GABRA4: variants seen among roughly 807,000 people sequenced by gnomAD.
The protein encoded by GABRA4 is gamma-aminobutyric acid receptor subunit alpha-4.
GABRA4 carries 12 observed loss-of-function variants against 49.7 expected under a neutral mutation model. The ratio of observed to expected loss-of-function variants is 0.24; its 90% confidence interval spans 0.15 to 0.39. The LOEUF (loss-of-function observed/expected upper bound fraction) is 0.39, where lower values mean the gene tolerates loss of function less well. Ranked by LOEUF, GABRA4 falls within the 10% of genes least tolerant of loss-of-function variation. The pLI is 1.00. For synonymous variants in GABRA4, 288 were observed against 240.2 expected (o/e 1.20, Z -1.84); for missense variants, 506 against 686.0 (o/e 0.74, Z 2.93).
chr4:46,989,869 C>T (rs745509177), intron 2 of GABRA4, among the ~76,000 whole-genome samples: 3 of 152,174 alleles, frequency 2.0e-5, no homozygotes, highest in Non-Finnish European at 4.4e-5. Flanking sequence ...AAATACCAAA[C>T]TTTCCACAGA....
At chr4:46,975,664 T>C (rs1341699043) in intron 5 of GABRA4, among the ~76,000 whole-genome samples, 1 of 151,974 alleles carries the variant, frequency 6.6e-6, no homozygotes, top group Admixed American at 6.6e-5. Flanking sequence ...CAAACCCTGA[T>C]TGAACACGAA....
At chr4:46,936,893 GGGGC>G (rs1721620512) in intron 8 of GABRA4, among the ~76,000 whole-genome samples, 1 of 152,178 alleles carries the variant, frequency 6.6e-6, no homozygotes, top group Admixed American at 6.6e-5. Context: ...AGTGGGAAAT[GGGGC>G]AGTGTAGCCC....
intron 8 of GABRA4, among the ~76,000 whole-genome samples, chr4:46,959,839 T>TGC (rs1722508768): frequency 7.0e-6 from 1 of 143,622 alleles, no homozygotes; most frequent in Non-Finnish European, 1.5e-5. Flanking sequence ...TATATATGTG[T>TGC]GTGTGTGTGT....
Position 46,964,963 on chromosome 4 carries a change from C to T in GABRA4, c.1134+7G>A. ...ATCTTAAACTGAAGGTGGATTAAGT[C>T]AAATACCTGCAGAGGGGCTTCAGGA... On this transcript the variant is annotated splice_region_variant and intron_variant, in intron 8 of 8. Transcript: ENST00000264318. 1 of 1,577,730 alleles carries T rather than the reference C, an allele frequency of 6.3e-7. No individual in the cohort carries two copies. Among genetic ancestry groups the T allele is most frequent in the Non-Finnish European group, 8.6e-7 (1 of 1,161,370 alleles).
intron 7 of GABRA4, among the ~76,000 whole-genome samples, chr4:46,966,939 G>T (rs112205235): frequency 2.9e-4 from 44 of 151,550 alleles, no homozygotes; most frequent in African/African-American, 9.7e-4. Flanking sequence ...GAATTTATTG[G>T]GTTTTATTTC....
At chr4:46,991,351 A>T (rs1474792038) in intron 2 of GABRA4, among the ~76,000 whole-genome samples, 1 of 152,080 alleles carries the variant, frequency 6.6e-6, no homozygotes, top group Non-Finnish European at 1.5e-5. Flanking sequence ...CCCTTTCTAA[A>T]CCTCAGTGTC....
At position 46,928,403 on chromosome 4, in the gene GABRA4, G is replaced by A. The variant is rs1157135957; in HGVS notation, c.1487C>T (p.Thr496Ile). ...IKTTVNTIGATGKLSATPPPS... is the reference protein window; with the variant it reads ...IKTTVNTIGAIGKLSATPPPS... ...AGGAGGAGTAGCTGACAACTTCCCA[G>A]TAGCCCCTATGGTATTAACTGTGGT... The change falls in exon 9 of 9, where the codon ACT becomes ATT. Residue 496 changes from threonine (T) to isoleucine (I), a missense_variant. Physicochemically the swap from Thr to Ile is moderately conservative, Grantham distance 89. Coordinates refer to ENST00000264318, the MANE Select transcript of GABRA4 (RefSeq NM_000809.4). The A allele has an allele frequency of 1.2e-6, 2 of 1,613,690 alleles. No homozygotes were observed. The highest frequency in any genetic ancestry group is 1.7e-6 in the Non-Finnish European group (2 of 1,179,692).
At position 46,974,238 on chromosome 4, in the gene GABRA4, T is replaced by C. The variant is rs1293885052; in HGVS notation, c.715A>G (p.Ile239Val). 5 of 1,610,448 alleles carry C rather than the reference T, an allele frequency of 3.1e-6. No individual in the cohort carries two copies. Among genetic ancestry groups the C allele is most frequent in the Non-Finnish European group, 3.4e-6 (4 of 1,177,924 alleles). ...QTVSSETIKSITGEYIVMTVY... is the reference protein window; with the variant it reads ...QTVSSETIKSVTGEYIVMTVY... ...TAATCATTACACATCTCACCCGTAA[T>C]TGATTTGATGGTTTCACTTGATACG... The change falls in exon 6 of 9, where the codon ATT becomes GTT. Residue 239 changes from isoleucine to valine, a missense_variant. This residue lies in a region of GABRA4 where 195 missense variants were observed against 326.0 expected (regional missense o/e 0.60). Transcript: ENST00000264318.
At chr4:46,946,692 C>A (rs1721992535) in intron 8 of GABRA4, among the ~76,000 whole-genome samples, 1 of 152,088 alleles carries the variant, frequency 6.6e-6, no homozygotes, top group Non-Finnish European at 1.5e-5. Context: ...CAACGCCTGG[C>A]ACAAATTAGT....
chr4:46,984,351 C>T (rs560850361), intron 2 of GABRA4, among the ~76,000 whole-genome samples: 2 of 152,036 alleles, frequency 1.3e-5, no homozygotes, highest in Non-Finnish European at 2.9e-5. Context: ...AACTGAAATA[C>T]ATTAATAAAT....
chr4:46,939,184 C>T (rs1051497529), intron 8 of GABRA4, among the ~76,000 whole-genome samples: 3 of 151,978 alleles, frequency 2.0e-5, no homozygotes, highest in African/African-American at 7.2e-5. Context: ...GATACTCTTC[C>T]TCGTCAACAG....
intron 8 of GABRA4, among the ~76,000 whole-genome samples, chr4:46,956,480 A>G (rs111416374): frequency 6.6e-5 from 10 of 152,204 alleles, no homozygotes; most frequent in African/African-American, 2.4e-4. Flanking sequence ...TGAAGCTTGT[A>G]TATTATGATA....
chr4:46,992,949 G>C lies in GABRA4; in HGVS notation c.87-3C>G, dbSNP rs1199035023. ...TCTGTCCTGGGGATTCGTTTAAACTGCAAGCGAAAAAAAAAAAACCGGGGG... is the reference window on the plus strand; with the variant it reads ...TCTGTCCTGGGGATTCGTTTAAACTCCAAGCGAAAAAAAAAAAACCGGGGG... On this transcript the variant is annotated splice_region_variant and splice_polypyrimidine_tract_variant and intron_variant, in intron 1 of 8. Transcript: ENST00000264318. 1 of 1,505,168 alleles carries C rather than the reference G, an allele frequency of 6.6e-7. No homozygotes were observed. Among genetic ancestry groups the C allele is most frequent in the Non-Finnish European group, 9.1e-7 (1 of 1,103,972 alleles). The allele number at this position is 1,505,168 out of a possible 1,614,324, so 93.2% of individuals were successfully genotyped here. A position where few individuals can be genotyped will look rare whatever the true frequency, so the allele number is the denominator to read the frequency against.
Position 46,922,008 on chromosome 4 carries a change from A to G in GABRA4, c.*6217T>C, listed in dbSNP as rs182011879. 6.6e-5 allele frequency: 10 copies of G among 152,242 alleles called. No individual in the cohort carries two copies. Among genetic ancestry groups the G allele is most frequent in the Admixed American group, 6.6e-4 (10 of 15,262 alleles). 9.4% of individuals were successfully genotyped at this position (152,242 alleles called of 1,614,324 possible). A position where few individuals can be genotyped will look rare whatever the true frequency, so the allele number is the denominator to read the frequency against. On this transcript the variant is annotated 3_prime_UTR_variant, in exon 9 of 9. Coordinates refer to ENST00000264318, the MANE Select transcript of GABRA4 (RefSeq NM_000809.4). ...AACCTCTGTAAGATAGAGTGTAAAC[A>G]GGCAAGAAAAAGACAAAATCTGTCT...
At chr4:46,944,789 C>G (rs1227157355) in intron 8 of GABRA4, among the ~76,000 whole-genome samples, 1 of 152,122 alleles carries the variant, frequency 6.6e-6, no homozygotes, top group African/African-American at 2.4e-5. Context: ...ACCATTGCAT[C>G]TTCACACCGC....
Position 46,921,510 on chromosome 4 carries a change from C to T in GABRA4, c.*6715G>A, listed in dbSNP as rs1721033033. The T allele has an allele frequency of 6.6e-6, 1 of 152,006 alleles. No individual in the cohort carries two copies. The highest frequency in any genetic ancestry group is 1.5e-5 in the Non-Finnish European group (1 of 67,952). The allele number at this position is 152,006 out of a possible 1,614,324, so 9.4% of individuals were successfully genotyped here. On this transcript the variant is annotated 3_prime_UTR_variant, in exon 9 of 9. Transcript: ENST00000264318. ...TTTATTTTTTATACAGGAGTTCTTT[C>T]TATCAGCTTCCTAGTCCTTCTCAAT... is the stretch of plus-strand genomic sequence containing the variant.
rs1429291683 is a variant in GABRA4 at position 46,922,955 on chromosome 4, C to T, written c.*5270G>A. 6.6e-6 allele frequency: 1 copy of T among 152,154 alleles called. No homozygotes were observed. The highest frequency in any genetic ancestry group is 1.5e-5 in the Non-Finnish European group (1 of 68,082). 9.4% of individuals were successfully genotyped at this position (152,154 alleles called of 1,614,324 possible). On this transcript the variant is annotated 3_prime_UTR_variant, in exon 9 of 9. Transcript: ENST00000264318. The stretch of plus-strand genomic sequence containing the variant: ...GAGTGGCACCCATTGAGCATTATCG[C>T]CTGAGCTCTGCCTCCTGTCAGATTA...
rs147393538 is a variant in GABRA4 at position 46,958,016 on chromosome 4, A to G, written c.1134+6954T>C. 3.1e-3 allele frequency among the ~76,000 whole-genome samples: 465 copies of G among 152,130 alleles called. 4 individuals carry two copies. The highest frequency in any genetic ancestry group is 0.011 in the African/African-American group (456 of 41,558). ...TATTATCTTCTGTATTCATATATAC[A>G]TGCATCATATGTATATGTGTGCATT... On this transcript the variant is annotated intron_variant, in intron 8 of 8. Transcript: ENST00000264318.
intron 2 of GABRA4, among the ~76,000 whole-genome samples, chr4:46,988,370 T>C (rs1027656734): frequency 6.6e-6 from 1 of 152,160 alleles, no homozygotes; most frequent in East Asian, 1.9e-4. Flanking sequence ...CATACAGTGG[T>C]CTCTCAATAC....
Sources: gnomAD v4.1 joint callset for allele counts (sites outside exome capture counted in the v4.1 genomes callset) on GRCh38, gnomAD v4.1.1 for gene constraint, gnomAD v4.1.1 regional missense constraint, MANE v1.5 for transcripts, NCBI Gene and HGNC (gene_info 2026-07-23, HGNC 2026-07-21) for gene names.